Variants in PRAG1 observed in about 807,000 individuals in gnomAD.
PRAG1 encodes inactive tyrosine-protein kinase PRAG1.
Under a neutral mutation model 95.6 loss-of-function variants are expected in PRAG1, and 110 were observed. That is an observed-to-expected ratio of 1.15 (90% CI 0.99 to 1.35). The LOEUF (loss-of-function observed/expected upper bound fraction) is 1.35. Among genes scored for constraint, PRAG1 ranks in the 40% most tolerant of loss-of-function variants. The probability of loss-of-function intolerance (pLI) is 0.00; values close to 1 mark genes in which losing one functional copy is unlikely to be tolerated. For missense variants in PRAG1, 2,554 were observed against 1,864.7 expected (o/e 1.37, Z -6.81); for synonymous variants, 1,052 against 819.4 (o/e 1.28, Z -4.85).
At chr8:8,338,444 C>G (rs1394955116) in intron 4 of PRAG1, among the ~76,000 whole-genome samples, 1 of 152,190 alleles carries the variant, frequency 6.6e-6, no homozygotes, top group African/African-American at 2.4e-5. Flanking sequence ...ATGCACTGCC[C>G]TCTATGGAAT....
intron 3 of PRAG1, 130 bp from the exon 4 acceptor site, chr8:8,339,765 A>C: frequency 3.4e-6 from 3 of 888,618 alleles, no homozygotes; most frequent in Non-Finnish European, 5.0e-6. Flanking sequence ...AAAGAAAAAA[A>C]AAAGATTTTG....
chr8:8,372,119 G>C (rs2976966), intron 3 of PRAG1, among the ~76,000 whole-genome samples: 29,670 of 152,114 alleles, frequency 0.2, 3,444 homozygotes, highest in Middle Eastern at 0.34. Flanking sequence ...AAGTCATTAA[G>C]TCATTTAAAA....
Position 8,376,626 on chromosome 8 carries a change from G to C in PRAG1, c.1783C>G (p.Pro595Ala), listed in dbSNP as rs55994745. Residue 595 changes from proline to alanine, a missense_variant, in exon 3 of 6, where the codon CCC (proline) becomes GCC (alanine). Pro to Ala is a conservative substitution (Grantham distance 27, BLOSUM62 -1). Coordinates refer to ENST00000615670, the MANE Select transcript of PRAG1 (RefSeq NM_001080826.3). ...PQPPSQGPADPAPSCRTNGVA... is the reference protein window; with the variant it reads ...PQPPSQGPADAAPSCRTNGVA... ...CCGTTGGTCCGGCAGGAAGGAGCGG[G>C]GTCAGCAGGACCTTGGGATGGAGGC... 5.8e-5 allele frequency: 93 copies of C among 1,604,732 alleles called. No individual in the cohort carries two copies. The highest frequency in any genetic ancestry group is 7.7e-5 in the Non-Finnish European group (90 of 1,175,216).
In PRAG1 at chr8:8,345,049, GT is replaced by G. The variant is rs1799288023; in HGVS notation, c.2163-5415del. Among the ~76,000 whole-genome samples the G allele has an allele frequency of 7.2e-4, 43 of 59,324 alleles. No homozygotes were observed. In the East Asian group the frequency reaches 9.0e-3, roughly 12 times the overall value. The allele number at this position is 59,324 out of a possible 152,430, so 38.9% of individuals were successfully genotyped here. ...TTACAGGATAAATTATCCGCAGGGTGTGTGTGTGTGTGTGTGTGTGTGTGTG... is the reference window on the plus strand; with the variant it reads ...TTACAGGATAAATTATCCGCAGGGTGGTGTGTGTGTGTGTGTGTGTGTGTG... On this transcript the variant is annotated intron_variant, in intron 3 of 5. Transcript: ENST00000615670.
Position 8,325,083 on chromosome 8 carries a change from C to A in PRAG1, c.3072+2627G>T, listed in dbSNP as rs867896311. Among the ~76,000 whole-genome samples the A allele has an allele frequency of 5.9e-5, 9 of 152,326 alleles. No homozygotes were observed. In the South Asian group the frequency reaches 1.9e-3, roughly 32 times the overall value. On this transcript the variant is annotated intron_variant, in intron 5 of 5. Transcript: ENST00000615670. ...TTAACATGTGCAGATAAAATGCGCT[C>A]AGCCTCAGACAGGCAGCTCGCTGGC...
intron 3 of PRAG1, among the ~76,000 whole-genome samples, chr8:8,360,640 C>G (rs748183036): frequency 1.3e-5 from 2 of 152,224 alleles, no homozygotes; most frequent in African/African-American, 4.8e-5. Flanking sequence ...CTGGCCAACT[C>G]TTAGTAACAA....
intron 3 of PRAG1, among the ~76,000 whole-genome samples, chr8:8,340,497 AC>A (rs1334831717): frequency 6.6e-6 from 1 of 152,194 alleles, no homozygotes; most frequent in Non-Finnish European, 1.5e-5. Context: ...GCTGGTGGAA[AC>A]CCACATTTGT....
At chr8:8,371,241 A>C (rs955495643) in intron 3 of PRAG1, among the ~76,000 whole-genome samples, 6 of 151,888 alleles carry the variant, frequency 4.0e-5, no homozygotes, top group African/African-American at 1.5e-4. Context: ...GTGGGTTAAA[A>C]TTGAAATTCA....
chr8:8,322,635 C>T (rs999663312), intron 5 of PRAG1, among the ~76,000 whole-genome samples: 1 of 152,142 alleles, frequency 6.6e-6, no homozygotes, highest in African/African-American at 2.4e-5. Context: ...ATAGGGCAGT[C>T]TCTTCAAGTC....
intron 4 of PRAG1, among the ~76,000 whole-genome samples, chr8:8,336,915 T>G (rs796077732): frequency 8.9e-4 from 22 of 24,642 alleles, no homozygotes; most frequent in Middle Eastern, 0.024. Context: ...CTTTCCCCCC[T>G]CCCCCCACCT....
chr8:8,337,749 T>A (rs938291110), intron 4 of PRAG1, among the ~76,000 whole-genome samples: 5 of 152,184 alleles, frequency 3.3e-5, no homozygotes, highest in Admixed American at 2.6e-4. Flanking sequence ...GAAACGAACA[T>A]GAGAAAACGT....
At chr8:8,324,600 T>G (rs1354077743) in intron 5 of PRAG1, among the ~76,000 whole-genome samples, 1 of 152,120 alleles carries the variant, frequency 6.6e-6, no homozygotes, top group Non-Finnish European at 1.5e-5. Flanking sequence ...CTCATTTCAT[T>G]TTCAGGGGGC....
intron 3 of PRAG1, among the ~76,000 whole-genome samples, chr8:8,369,389 C>G (rs1424701485): frequency 6.6e-6 from 1 of 152,180 alleles, no homozygotes; most frequent in East Asian, 1.9e-4. Flanking sequence ...GTGTTAACAG[C>G]CAAAATGGAG....
chr8:8,362,445 T>C (rs1386308748), intron 3 of PRAG1, among the ~76,000 whole-genome samples: 1 of 152,214 alleles, frequency 6.6e-6, no homozygotes, highest in African/African-American at 2.4e-5. Context: ...TGCAAGCCTG[T>C]CCATCCTTTC....
At chr8:8,366,343 C>T (rs1800006449) in intron 3 of PRAG1, among the ~76,000 whole-genome samples, 1 of 138,574 alleles carries the variant, frequency 7.2e-6, no homozygotes, top group South Asian at 2.3e-4. Flanking sequence ...GACGGAGTTT[C>T]ACTCTTGTCA....
At position 8,335,223 on chromosome 8, in the gene PRAG1, G is replaced by T. The variant is rs1386356210; in HGVS notation, c.2320+4255C>A. Among the ~76,000 whole-genome samples the T allele has an allele frequency of 4.6e-5, 7 of 152,166 alleles. No homozygotes were observed. The South Asian group carries it at 8.3e-4, about 18-fold the overall frequency. ...CTTACAGATTTGCTCACCAAATCAT[G>T]CCAATGTATGGCACAGAGTCTTACT... On this transcript the variant is annotated intron_variant, in intron 4 of 5. Transcript: ENST00000615670.
chr8:8,374,699 G>C, intron 3 of PRAG1: 2 of 985,408 alleles, frequency 2.0e-6, no homozygotes, highest in African/African-American at 1.7e-5. Context: ...GGCTGCCAAA[G>C]AGTCTGCAAT....
At chr8:8,335,868 C>T (rs1335881272) in intron 4 of PRAG1, among the ~76,000 whole-genome samples, 1 of 152,206 alleles carries the variant, frequency 6.6e-6, no homozygotes, top group Non-Finnish European at 1.5e-5. Context: ...GAAACTTCAG[C>T]ATCTAGAATT....
At chr8:8,379,639 C>A (rs1003686179) in intron 2 of PRAG1, among the ~76,000 whole-genome samples, 4 of 152,206 alleles carry the variant, frequency 2.6e-5, no homozygotes, top group African/African-American at 9.7e-5. Context: ...CCTTCCTGAC[C>A]TACTCACCAT....
Sources: allele counts gnomAD v4.1 joint callset (sites outside exome capture counted in the v4.1 genomes callset), GRCh38; gene constraint gnomAD v4.1.1; transcripts MANE v1.5; gene names NCBI Gene and HGNC (gene_info 2026-07-23, HGNC 2026-07-21).